Variants in MVD observed in about 807,000 individuals in gnomAD.
MVD encodes diphosphomevalonate decarboxylase.
MVD carries 52 observed loss-of-function variants against 42.4 expected under a neutral mutation model. The ratio of observed to expected loss-of-function variants is 1.23; its 90% CI spans 0.98 to 1.55. The LOEUF (loss-of-function observed/expected upper bound fraction) is 1.55. Among genes scored for constraint, MVD ranks in the 40% most tolerant of loss-of-function variants. The pLI, the probability that MVD is intolerant of heterozygous loss-of-function variation, is 0.00. For synonymous variants in MVD, 287 were observed against 243.2 expected (o/e 1.18, Z -1.68); for missense variants, 663 against 572.1 (o/e 1.16, Z -1.62).
At chr16:88,652,881 G>A (rs1164237105) in intron 9 of MVD, among the ~76,000 whole-genome samples, 1 of 152,194 alleles carries the variant, frequency 6.6e-6, no homozygotes, top group Non-Finnish European at 1.5e-5. Flanking sequence ...CTGAGAGGAA[G>A]GTGGCGGCAA....
intron 5 of MVD, 104 bp downstream of exon 5, chr16:88,656,000 GC>G: frequency 2.1e-6 from 3 of 1,436,290 alleles, no homozygotes; most frequent in Non-Finnish European, 2.8e-6. Context: ...GACCCCAGGA[GC>G]CAAGCAAAGC....
chr16:88,654,518 G>A lies in MVD; in HGVS notation c.1013+174C>T, dbSNP rs532290286. ...CTCTCTTTCTTCCCTGTGGACGTGG[G>A]CTGTGGGATGGCTCTATGGGGACAC... On this transcript the variant is annotated intron_variant, in intron 8 of 9. Transcript: ENST00000301012. Among the ~76,000 whole-genome samples the A allele has an allele frequency of 9.2e-5, 14 of 152,302 alleles. No individual in the cohort carries two copies. In the South Asian group the frequency reaches 2.3e-3, roughly 25 times the overall value.
rs150857520 is a variant in MVD at position 88,655,210 on chromosome 16, C to T, written c.886G>A (p.Gly296Arg). 1.3e-4 allele frequency: 208 copies of T among 1,563,022 alleles called. 1 individual carries two copies. Among genetic ancestry groups the T allele is most frequent in the Non-Finnish European group, 1.6e-4 (187 of 1,153,750 alleles). ...HLVHRFNAHH[G>R]DTKVAYTFDA... ...CCGGCCCGCGTCACCTTGGTGTCCC[C>T]GTGGTGGGCGTTGAAGCGGTGCACC... Residue 296 changes from glycine to arginine, a missense_variant, in exon 7 of 10, where the codon GGG becomes AGG. Gly to Arg is a moderately radical substitution (Grantham distance 125). Transcript: ENST00000301012.
chr16:88,656,355 T>C lies in MVD; in HGVS notation c.404-51A>G, dbSNP rs966654378. The C allele has an allele frequency of 3.8e-6, 6 of 1,574,956 alleles. No homozygotes were observed. The African/African-American group carries it at 5.4e-5, about 14-fold the overall frequency. ...GTCCTCAGAGCTGCCTGCGCTGTGCTCCCTGACAGCTCACCGCCCCAGGAA... is the reference window on the plus strand; with the variant it reads ...GTCCTCAGAGCTGCCTGCGCTGTGCCCCCTGACAGCTCACCGCCCCAGGAA... On this transcript the variant is annotated intron_variant, in intron 4 of 9. Coordinates refer to ENST00000301012, the MANE Select transcript of MVD (RefSeq NM_002461.3).
chr16:88,653,788 G>A (rs982445225), intron 8 of MVD, among the ~76,000 whole-genome samples: 4 of 152,076 alleles, frequency 2.6e-5, no homozygotes, highest in African/African-American at 4.8e-5. Flanking sequence ...AAGCTGGTGC[G>A]TTCGTCACCG....
chr16:88,658,102 T>G (rs1343836154), intron 2 of MVD, 73 bp from the exon 3 acceptor site: 3 of 1,444,732 alleles, frequency 2.1e-6, no homozygotes, highest in Non-Finnish European at 2.9e-6. Context: ...CCCTTTCTAC[T>G]GAGAGAGCCT....
intron 1 of MVD, among the ~76,000 whole-genome samples, chr16:88,661,889 CACAT>C (rs1158746111): frequency 1.3e-5 from 2 of 148,334 alleles, no homozygotes; most frequent in South Asian, 2.1e-4. Context: ...TATATACACA[CACAT>C]ACATCTATAT....
At position 88,653,338 on chromosome 16, in the gene MVD, G is replaced by T. The variant is rs747271217; in HGVS notation, c.1084C>A (p.Pro362Thr). 5.0e-6 allele frequency: 8 copies of T among 1,600,682 alleles called. No individual in the cohort carries two copies. Among genetic ancestry groups the T allele is most frequent in the Non-Finnish European group, 6.8e-6 (8 of 1,176,560 alleles). The change falls in exon 9 of 10, where the codon CCG becomes ACG. Residue 362 changes from proline (P) to threonine (T), a missense_variant. Coordinates refer to ENST00000301012, the MANE Select transcript of MVD (RefSeq NM_002461.3). ...ATGTATTTGACCCCACCGGGGGTCG[G>T]CTCCATGGCCAGCGCAGCCTGAAGC... ...AELQAALAME[P>T]TPGGVKYIIV... is the part of the protein sequence containing the mutation.
chr16:88,658,728 G>GA lies in MVD; in HGVS notation c.71-9dup. ...CTTCATCGCGCTTGCCCCCTGTAAT[G>GA]AACAGCCAGGGCCAGGCCGGTGGGC... On this transcript the variant is annotated splice_polypyrimidine_tract_variant and intron_variant, in intron 1 of 9. Transcript: ENST00000301012. The GA allele has an allele frequency of 6.2e-7, 1 of 1,609,858 alleles. No individual in the cohort carries two copies. The highest frequency in any genetic ancestry group is 8.5e-7 in the Non-Finnish European group (1 of 1,178,240).
intron 9 of MVD, among the ~76,000 whole-genome samples, chr16:88,653,007 C>T (rs1907675543): frequency 6.6e-6 from 1 of 152,070 alleles, no homozygotes; most frequent in Non-Finnish European, 1.5e-5. Context: ...ACCCCAGCAG[C>T]CCCCACCCCA....
intron 1 of MVD, chr16:88,659,023 C>G: frequency 4.9e-6 from 2 of 404,604 alleles, no homozygotes; most frequent in Non-Finnish European, 9.4e-6. Flanking sequence ...CCCACCGCGG[C>G]CTGCCTCCCC....
At position 88,652,193 on chromosome 16, in the gene MVD, C is replaced by A; in HGVS notation, c.*332G>T. On this transcript the variant is annotated 3_prime_UTR_variant, in exon 10 of 10. Transcript: ENST00000301012. ...GAGGGACCACCTCCCCACTGAGCTC[C>A]TTTCTCAGAGAACTGGGCATAGCCA... The A allele has an allele frequency of 2.2e-6, 1 of 456,010 alleles. No individual in the cohort carries two copies. Among genetic ancestry groups the A allele is most frequent in the South Asian group, 2.1e-5 (1 of 46,582 alleles). 28.2% of individuals were successfully genotyped at this position (456,010 alleles called of 1,614,324 possible). A position where few individuals can be genotyped will look rare whatever the true frequency, so the allele number is the denominator to read the frequency against.
At chr16:88,653,264 G>T in intron 9 of MVD, 36 bp downstream of exon 9, 1 of 1,554,138 alleles carries the variant, frequency 6.4e-7, no homozygotes, top group East Asian at 2.3e-5. Flanking sequence ...GGCAGGAAAG[G>T]AAACCCCGGG....
chr16:88,656,537 C>T, intron 4 of MVD: 1 of 593,284 alleles, frequency 1.7e-6, no homozygotes, highest in Non-Finnish European at 3.0e-6. Context: ...AGCTTGCGGC[C>T]CGCGACAAGG....
chr16:88,655,627 G>A (rs1031549375), intron 6 of MVD, 29 bp downstream of exon 6: 6 of 1,547,052 alleles, frequency 3.9e-6, no homozygotes, highest in Non-Finnish European at 5.2e-6. Flanking sequence ...GACTCCCAGG[G>A]CCCCGGGACC....
At chr16:88,654,473 C>A (rs777510453) in intron 8 of MVD, among the ~76,000 whole-genome samples, 2 of 152,214 alleles carry the variant, frequency 1.3e-5, no homozygotes, top group Non-Finnish European at 2.9e-5. Context: ...CTGGGCGTTG[C>A]TCACACACGC....
chr16:88,655,416 A>C lies in MVD; in HGVS notation c.680T>G (p.Phe227Cys). 6.4e-7 allele frequency: 1 copy of C among 1,568,026 alleles called. No individual in the cohort carries two copies. Reference sequence around the variant, plus strand: ...CGCGGGCACCACGGACTCGGCCCGGAACTGCAAGGCACAGGGTGTTTCCCA... The same window carrying C: ...CGCGGGCACCACGGACTCGGCCCGGCACTGCAAGGCACAGGGTGTTTCCCA... ...ASVETSPLLR[F>C]RAESVVPARM... is the part of the protein sequence containing the mutation. The change falls in exon 7 of 10, where the codon TTC becomes TGC. Residue 227 changes from phenylalanine to cysteine, a missense_variant and splice_region_variant. Coordinates refer to ENST00000301012, the MANE Select transcript of MVD (RefSeq NM_002461.3).
At chr16:88,659,049 A>C (rs1908125028) in intron 1 of MVD, 1 of 351,044 alleles carries the variant, frequency 2.8e-6, no homozygotes, top group Non-Finnish European at 5.6e-6. Flanking sequence ...CTTCCCAAAC[A>C]AAAGGAGCCC....
At chr16:88,656,354 C>T (rs753432378) in intron 4 of MVD, 50 bp from the exon 5 acceptor site, 3 of 1,575,824 alleles carry the variant, frequency 1.9e-6, no homozygotes, top group African/African-American at 1.3e-5. Flanking sequence ...CTGCGCTGTG[C>T]TCCCTGACAG....
Sources: allele counts gnomAD v4.1 joint callset (sites outside exome capture counted in the v4.1 genomes callset), GRCh38; gene constraint gnomAD v4.1.1; transcripts MANE v1.5; gene names NCBI Gene and HGNC (gene_info 2026-07-23, HGNC 2026-07-21).